The following ROR1 variants were observed in gnomAD, a reference collection of about 807,000 sequenced individuals.
The protein encoded by ROR1 is ROR family WNT receptor 1.
A neutral mutation model predicts 78.8 loss-of-function variants in ROR1; 19 were observed. That is an observed-to-expected ratio of 0.24 (90% CI 0.17 to 0.35). The LOEUF (loss-of-function observed/expected upper bound fraction) is 0.35. Among genes scored for constraint, ROR1 ranks in the 10% least tolerant of loss-of-function variants. The probability of loss-of-function intolerance (pLI) is 1.00; values close to 1 mark genes in which losing one functional copy is unlikely to be tolerated. For missense variants in ROR1, 917 were observed against 1,177.8 expected (o/e 0.78, Z 3.24); for synonymous variants, 386 against 433.6 (o/e 0.89, Z 1.36).
At chr1:63,838,936 A>G (rs778281576) in intron 1 of ROR1, among the ~76,000 whole-genome samples, 15 of 152,236 alleles carry the variant, frequency 9.9e-5, no homozygotes, top group Non-Finnish European at 2.1e-4. Flanking sequence ...TACAGTATTC[A>G]GTATGGTAAC....
intron 1 of ROR1, among the ~76,000 whole-genome samples, chr1:63,889,803 A>G (rs1645381958): frequency 1.3e-5 from 2 of 152,156 alleles, no homozygotes; most frequent in African/African-American, 4.8e-5. Context: ...TAGTATTGCA[A>G]TTGTGGGTGA....
Position 63,878,875 on chromosome 1 carries a change from C to T in ROR1, c.91+104367C>T, listed in dbSNP as rs983215515. Among the ~76,000 whole-genome samples the T allele has an allele frequency of 4.6e-5, 7 of 152,158 alleles. No individual in the cohort carries two copies. The East Asian group carries it at 5.8e-4, about 13-fold the overall frequency. ...ACTTCAGGAGAGTGCAGACCGCAGC[C>T]TGTTCAGTCCTCATGGTATATGAAG... On this transcript the variant is annotated intron_variant, in intron 1 of 8. Transcript: ENST00000371079.
chr1:64,073,325 C>T (rs1270772429), intron 4 of ROR1, among the ~76,000 whole-genome samples: 2 of 152,108 alleles, frequency 1.3e-5, no homozygotes, highest in Non-Finnish European at 2.9e-5. Flanking sequence ...CCCCTTCCTG[C>T]TCCATGTGCT....
At chr1:63,924,275 A>C (rs1645681115) in intron 1 of ROR1, among the ~76,000 whole-genome samples, 1 of 152,164 alleles carries the variant, frequency 6.6e-6, no homozygotes, top group Admixed American at 6.5e-5. Flanking sequence ...ACCCACTAGA[A>C]GGTAACTCTG....
intron 7 of ROR1, among the ~76,000 whole-genome samples, chr1:64,152,564 G>C (rs1649658196): frequency 6.6e-6 from 1 of 152,102 alleles, no homozygotes; most frequent in Non-Finnish European, 1.5e-5. Flanking sequence ...TCTTTTGTTT[G>C]TTTTTAGGGT....
chr1:63,968,879 T>C (rs182878435), intron 1 of ROR1, among the ~76,000 whole-genome samples: 7 of 152,290 alleles, frequency 4.6e-5, no homozygotes, highest in South Asian at 2.1e-4. Context: ...TCAATGTTTA[T>C]AGAAGGGAGT....
intron 1 of ROR1, among the ~76,000 whole-genome samples, chr1:63,841,185 T>C (rs912068152): frequency 7.9e-5 from 12 of 152,240 alleles, no homozygotes; most frequent in African/African-American, 2.7e-4. Flanking sequence ...GTTTTCTTTT[T>C]ACAAGTTTAG....
At chr1:63,925,533 A>G (rs1270717775) in intron 1 of ROR1, among the ~76,000 whole-genome samples, 2 of 152,134 alleles carry the variant, frequency 1.3e-5, no homozygotes, top group African/African-American at 4.8e-5. Flanking sequence ...ATACCCAGTA[A>G]TGGGATGGCT....
At chr1:64,145,404 T>C (rs541971789) in intron 7 of ROR1, among the ~76,000 whole-genome samples, 1 of 152,342 alleles carries the variant, frequency 6.6e-6, no homozygotes, top group East Asian at 1.9e-4. Context: ...TATAATTTTG[T>C]TCCTACCTGT....
chr1:63,887,225 T>TGG (rs76177514), intron 1 of ROR1, among the ~76,000 whole-genome samples: 70 of 151,274 alleles, frequency 4.6e-4, no homozygotes, highest in Admixed American at 1.2e-3. Context: ...CGTTTTGGGA[T>TGG]GGGGGGGTTT....
intron 7 of ROR1, among the ~76,000 whole-genome samples, chr1:64,145,510 C>T (rs61765447): frequency 0.042 from 6,364 of 152,162 alleles, 169 homozygotes; most frequent in East Asian, 0.079. Context: ...TTTGTGTTGC[C>T]GGGTTTCATA....
intron 4 of ROR1, among the ~76,000 whole-genome samples, chr1:64,119,533 G>A (rs1261367228): frequency 6.6e-6 from 1 of 151,844 alleles, no homozygotes; most frequent in East Asian, 1.9e-4. Context: ...CAGTTACTTG[G>A]GAGGCTGAGG....
At chr1:64,014,065 C>T (rs907615755) in intron 2 of ROR1, among the ~76,000 whole-genome samples, 6 of 152,222 alleles carry the variant, frequency 3.9e-5, no homozygotes, top group Non-Finnish European at 8.8e-5. Context: ...GCCAGGATTC[C>T]CACCAAGGCC....
chr1:64,074,765 T>G (rs1647035788), intron 4 of ROR1, among the ~76,000 whole-genome samples: 1 of 152,194 alleles, frequency 6.6e-6, no homozygotes, highest in South Asian at 2.1e-4. Context: ...CTGGCACAGG[T>G]GCAGGCAGGG....
intron 7 of ROR1, among the ~76,000 whole-genome samples, chr1:64,146,633 C>T (rs1449872036): frequency 6.6e-6 from 1 of 152,190 alleles, no homozygotes; most frequent in Non-Finnish European, 1.5e-5. Context: ...TATTGATACT[C>T]TGATTCAAGG....
intron 1 of ROR1, among the ~76,000 whole-genome samples, chr1:63,831,184 G>T (rs1644985955): frequency 2.0e-5 from 3 of 152,206 alleles, no homozygotes; most frequent in African/African-American, 7.2e-5. Context: ...CAAGCTACCA[G>T]TGGATCTACC....
chr1:63,962,498 A>G (rs1646037370), intron 1 of ROR1, among the ~76,000 whole-genome samples: 1 of 152,170 alleles, frequency 6.6e-6, no homozygotes. Context: ...CAGAACTGCT[A>G]AGGGAGTGGG....
At chr1:63,807,636 T>C (rs184762829) in intron 1 of ROR1, among the ~76,000 whole-genome samples, 27 of 152,354 alleles carry the variant, frequency 1.8e-4, no homozygotes, top group Non-Finnish European at 2.5e-4. Context: ...CATCTTTCCA[T>C]GTGTAAGCCC....
At chr1:63,885,509 C>T (rs1645351061) in intron 1 of ROR1, among the ~76,000 whole-genome samples, 1 of 152,106 alleles carries the variant, frequency 6.6e-6, no homozygotes. Flanking sequence ...GGCTTTTGTT[C>T]TGAAGGAGCT....
Sources: allele counts gnomAD v4.1 joint callset (sites outside exome capture counted in the v4.1 genomes callset), GRCh38; gene constraint gnomAD v4.1.1; transcripts MANE v1.5; gene names NCBI Gene and HGNC (gene_info 2026-07-23, HGNC 2026-07-21).